Variants in TAOK3 observed in about 807,000 individuals in gnomAD.
The protein encoded by TAOK3 is serine/threonine-protein kinase TAO3.
Under a neutral mutation model 120.4 loss-of-function variants are expected in TAOK3, and 40 were observed. That is an observed-to-expected ratio of 0.33 (90% CI 0.26 to 0.43). The LOEUF (loss-of-function observed/expected upper bound fraction) is 0.43. TAOK3 is among the 20% of genes least tolerant of loss of function. TAOK3 has a pLI of 1.00. For synonymous variants in TAOK3, 355 were observed against 387.5 expected (o/e 0.92, Z 0.99); for missense variants, 821 against 1,112.1 (o/e 0.74, Z 3.72).
At chr12:118,291,101 C>G (rs1471322810) in intron 1 of TAOK3, among the ~76,000 whole-genome samples, 1 of 151,614 alleles carries the variant, frequency 6.6e-6, no homozygotes, top group East Asian at 1.9e-4. Flanking sequence ...GGTGATCTGT[C>G]TGCCTCGGCG....
At position 118,152,409 on chromosome 12, in the gene TAOK3, A is replaced by C; in HGVS notation, c.2353T>G (p.Leu785Val). ...SINEMMASQA[L>V]RLDEAQEAEC... The stretch of plus-strand genomic sequence containing the variant: ...GCTTCTTGAGCCTCATCTAGCCGTA[A>C]CTGCGGACACAGAAGACACACACGG... The change falls in exon 20 of 21, where the codon TTA becomes GTA. Residue 785 changes from leucine to valine, a missense_variant and splice_region_variant. Leu to Val is a conservative substitution (Grantham distance 32). This residue lies in a region of TAOK3 where 354 missense variants were observed against 572.1 expected (regional missense o/e 0.62). Coordinates refer to ENST00000392533, the MANE Select transcript of TAOK3 (RefSeq NM_016281.4). 6.2e-7 allele frequency: 1 copy of C among 1,609,258 alleles called. No individual in the cohort carries two copies. Among genetic ancestry groups the C allele is most frequent in the Admixed American group, 1.7e-5 (1 of 59,944 alleles).
chr12:118,348,992 A>G (rs574713848), intron 1 of TAOK3, among the ~76,000 whole-genome samples: 15 of 151,806 alleles, frequency 9.9e-5, no homozygotes, highest in African/African-American at 1.7e-4. Context: ...AGGCGGTTCA[A>G]GCAATTCTCT....
intron 9 of TAOK3, among the ~76,000 whole-genome samples, chr12:118,216,311 G>GATT (rs1313584692): frequency 6.6e-6 from 1 of 152,068 alleles, no homozygotes; most frequent in Non-Finnish European, 1.5e-5. Flanking sequence ...CCTGGTAGAG[G>GATT]ATTTACTCCT....
chr12:118,275,330 T>TTGC (rs2041867622), intron 1 of TAOK3, among the ~76,000 whole-genome samples: 1 of 151,942 alleles, frequency 6.6e-6, no homozygotes, highest in South Asian at 2.1e-4. Flanking sequence ...AGATAGGGTC[T>TTGC]TGCTATGTTG....
At chr12:118,370,125 G>A (rs552183692) in intron 1 of TAOK3, among the ~76,000 whole-genome samples, 1 of 149,656 alleles carries the variant, frequency 6.7e-6, no homozygotes, top group Non-Finnish European at 1.5e-5. Flanking sequence ...CGCCTGCCTC[G>A]GCCTCCCAAA....
At chr12:118,173,026 T>C (rs1173774968) in intron 16 of TAOK3, among the ~76,000 whole-genome samples, 1 of 152,106 alleles carries the variant, frequency 6.6e-6, no homozygotes, top group African/African-American at 2.4e-5. Flanking sequence ...GAATCAAAAA[T>C]TAAAGAACCG....
chr12:118,198,758 G>T (rs983492721), intron 13 of TAOK3: 7 of 393,006 alleles, frequency 1.8e-5, no homozygotes, highest in Non-Finnish European at 4.8e-6. Context: ...AAGACTTGAA[G>T]GTCTACAGTA....
chr12:118,279,344 T>C (rs1050523219), intron 1 of TAOK3, among the ~76,000 whole-genome samples: 3 of 152,164 alleles, frequency 2.0e-5, no homozygotes, highest in African/African-American at 7.2e-5. Context: ...GGATGCATAG[T>C]TTGCAAACAT....
intron 13 of TAOK3, 115 bp downstream of exon 13, chr12:118,198,936 A>T: frequency 1.9e-6 from 2 of 1,061,076 alleles, no homozygotes; most frequent in Non-Finnish European, 2.9e-6. Context: ...TGCCAGGTTT[A>T]GTACCACACT....
chr12:118,287,928 T>G (rs458655), intron 1 of TAOK3, among the ~76,000 whole-genome samples: 16,791 of 151,934 alleles, frequency 0.11, 1,163 homozygotes, highest in Non-Finnish European at 0.15. Flanking sequence ...ATTTATAACT[T>G]TTGACTCCCT....
At chr12:118,156,370 T>C (rs2034825663) in intron 19 of TAOK3, among the ~76,000 whole-genome samples, 2 of 152,178 alleles carry the variant, frequency 1.3e-5, no homozygotes, top group Non-Finnish European at 2.9e-5. Flanking sequence ...TTGTCTTCCC[T>C]CTCTGACTAT....
chr12:118,217,811 G>GTATATATA (rs1555223814), intron 9 of TAOK3, among the ~76,000 whole-genome samples: 2 of 75,402 alleles, frequency 2.7e-5, no homozygotes, highest in African/African-American at 5.1e-5. Context: ...GTGTGTGTGT[G>GTATATATA]TATACATATA....
chr12:118,174,835 G>A (rs2036226259), intron 16 of TAOK3, among the ~76,000 whole-genome samples: 1 of 151,918 alleles, frequency 6.6e-6, no homozygotes, highest in African/African-American at 2.4e-5. Flanking sequence ...AGCTAATTTT[G>A]TATTTTTATA....
intron 2 of TAOK3, among the ~76,000 whole-genome samples, chr12:118,265,010 G>A (rs1213942316): frequency 6.6e-6 from 1 of 151,856 alleles, no homozygotes; most frequent in Non-Finnish European, 1.5e-5. Flanking sequence ...CTCTGGCCTG[G>A]GCAACAGAGC....
chr12:118,209,903 T>C (rs543986796), intron 11 of TAOK3, among the ~76,000 whole-genome samples: 2 of 152,100 alleles, frequency 1.3e-5, no homozygotes, highest in East Asian at 3.9e-4. Flanking sequence ...TGGGGTTTTG[T>C]CATGTCCAGG....
At chr12:118,304,638 C>T (rs2042985628) in intron 1 of TAOK3, among the ~76,000 whole-genome samples, 1 of 152,176 alleles carries the variant, frequency 6.6e-6, no homozygotes, top group African/African-American at 2.4e-5. Context: ...ATATTATCTA[C>T]ACTGCTTTAA....
intron 16 of TAOK3, among the ~76,000 whole-genome samples, chr12:118,175,008 A>C (rs558158618): frequency 1.3e-5 from 2 of 152,278 alleles, no homozygotes; most frequent in South Asian, 2.1e-4. Context: ...TTCTTAGGCT[A>C]TCTCTGATCC....
chr12:118,192,177 A>G (rs894207721), intron 13 of TAOK3, among the ~76,000 whole-genome samples: 3 of 152,226 alleles, frequency 2.0e-5, no homozygotes, highest in Non-Finnish European at 4.4e-5. Context: ...ATTAAAAGCC[A>G]CAATGTATTT....
At chr12:118,307,433 C>T (rs1175295518) in intron 1 of TAOK3, among the ~76,000 whole-genome samples, 1 of 152,186 alleles carries the variant, frequency 6.6e-6, no homozygotes, top group Non-Finnish European at 1.5e-5. Flanking sequence ...ACCCTCACAT[C>T]TTCTCCTCTA....
Sources: gnomAD v4.1 joint callset for allele counts (sites outside exome capture counted in the v4.1 genomes callset) on GRCh38, gnomAD v4.1.1 for gene constraint, gnomAD v4.1.1 regional missense constraint, MANE v1.5 for transcripts, NCBI Gene and HGNC (gene_info 2026-07-23, HGNC 2026-07-21) for gene names.